CHLSN: variants seen among roughly 807,000 people sequenced by gnomAD.
CHLSN encodes cholesin, also known as protein cholesin.
At chr7:1,061,035 C>G in the CHLSN span, among the ~76,000 whole-genome samples, 1 of 152,218 alleles carries the variant, frequency 6.6e-6, no homozygotes, top group African/African-American at 2.4e-5. Context: ...CTTGGCTCCA[C>G]GCTGAGCTCC....
At chr7:1,123,027 G>A in the CHLSN span, among the ~76,000 whole-genome samples, 2 of 152,190 alleles carry the variant, frequency 1.3e-5, no homozygotes, top group African/African-American at 4.8e-5. The surrounding 1 kb of genome is among the most constrained non-coding windows in gnomAD (Gnocchi z 4.4). Flanking sequence ...AGCACTCCAG[G>A]CCAGCAGGGC....
the CHLSN span, chr7:1,025,713 G>C: frequency 6.6e-6 from 1 of 152,270 alleles, no homozygotes; most frequent in African/African-American, 2.4e-5. Context: ...GGTAGAGGTT[G>C]CGTGGCTCCC....
At chr7:1,056,698 AC>A in the CHLSN span, 1 of 151,820 alleles carries the variant, frequency 6.6e-6, no homozygotes, top group African/African-American at 2.4e-5. Flanking sequence ...CGGCCTCCTC[AC>A]TGCTCTTGCC....
At chr7:1,044,899 G>A in the CHLSN span, among the ~76,000 whole-genome samples, 1 of 152,278 alleles carries the variant, frequency 6.6e-6, no homozygotes, top group African/African-American at 2.4e-5. Context: ...ACCTGGTGAT[G>A]GCAGCTGAAT....
the CHLSN span, chr7:1,092,193 C>G: frequency 6.2e-7 from 1 of 1,613,262 alleles, no homozygotes; most frequent in East Asian, 2.2e-5. Flanking sequence ...GCTTCGACCG[C>G]TACATCGCCC....
chr7:1,103,121 G>C, the CHLSN span, among the ~76,000 whole-genome samples: 7 of 152,206 alleles, frequency 4.6e-5, no homozygotes, highest in African/African-American at 1.4e-4. Flanking sequence ...AGCCCCGTCC[G>C]GGAGGCGCGG....
chr7:1,021,536 T>G, the CHLSN span: 1 of 985,308 alleles, frequency 1.0e-6, no homozygotes, highest in African/African-American at 1.7e-5. Flanking sequence ...GCACTGTCCA[T>G]CCACCGCACA....
the CHLSN span, among the ~76,000 whole-genome samples, chr7:1,134,590 C>T: frequency 1.4e-5 from 2 of 144,858 alleles, no homozygotes; most frequent in Admixed American, 6.9e-5. Context: ...ATAAATAGGC[C>T]GGGTGCGGTG....
chr7:1,065,024 C>T, the CHLSN span, among the ~76,000 whole-genome samples: 1 of 152,018 alleles, frequency 6.6e-6, no homozygotes, highest in Non-Finnish European at 1.5e-5. Flanking sequence ...AGGACGCTTT[C>T]TGCAGAGCCC....
the CHLSN span, among the ~76,000 whole-genome samples, chr7:1,027,278 C>T: frequency 2.0e-5 from 3 of 152,232 alleles, no homozygotes; most frequent in South Asian, 6.2e-4. Context: ...TACTCATAAG[C>T]AAAGGACTCT....
chr7:1,094,090 T>C, the CHLSN span, among the ~76,000 whole-genome samples: 2 of 152,264 alleles, frequency 1.3e-5, no homozygotes, highest in Non-Finnish European at 2.9e-5. Flanking sequence ...TCCAGCAGCC[T>C]GTGCGACCTA....
chr7:1,010,655 G>T, the CHLSN span, among the ~76,000 whole-genome samples: 6 of 152,162 alleles, frequency 3.9e-5, no homozygotes, highest in African/African-American at 1.4e-4. Context: ...CAGGGAGGGG[G>T]CCAAGACCCC....
the CHLSN span, chr7:1,000,474 T>G: frequency 5.6e-6 from 9 of 1,602,830 alleles, no homozygotes; most frequent in South Asian, 1.0e-4. Flanking sequence ...ACACACCTTG[T>G]CACTGTCATA....
At chr7:1,038,492 C>A in the CHLSN span, among the ~76,000 whole-genome samples, 1 of 109,080 alleles carries the variant, frequency 9.2e-6, no homozygotes, top group Non-Finnish European at 2.0e-5. Flanking sequence ...GGGGGGTAAG[C>A]CCCCCGCCTG....
At chr7:1,048,400 G>C in the CHLSN span, among the ~76,000 whole-genome samples, 1 of 152,102 alleles carries the variant, frequency 6.6e-6, no homozygotes, top group South Asian at 2.1e-4. Context: ...GTTTCTGCCA[G>C]CTCTGTGCAG....
At chr7:1,021,313 T>C in the CHLSN span, 1 of 937,454 alleles carries the variant, frequency 1.1e-6, no homozygotes, top group Non-Finnish European at 1.3e-6. Flanking sequence ...GGGGCAGGTT[T>C]CTTTCTTCTT....
At chr7:1,077,604 C>G in the CHLSN span, among the ~76,000 whole-genome samples, 58 of 152,396 alleles carry the variant, frequency 3.8e-4, no homozygotes, top group African/African-American at 1.3e-3. Flanking sequence ...TGCACAGGCA[C>G]ACACCACCTT....
chr7:1,001,721 G>A, the CHLSN span, among the ~76,000 whole-genome samples: 1 of 106,964 alleles, frequency 9.3e-6, no homozygotes, highest in Non-Finnish European at 1.9e-5. Flanking sequence ...CTGTGGGTTA[G>A]TGGAGTCCTG....
the CHLSN span, chr7:1,021,598 G>T: frequency 8.2e-6 from 8 of 978,778 alleles, no homozygotes; most frequent in Non-Finnish European, 9.7e-6. Flanking sequence ...CATGCTGTTG[G>T]ATGGGAGAGG....
Sources: allele counts gnomAD v4.1 joint callset (sites outside exome capture counted in the v4.1 genomes callset), GRCh38; gene constraint gnomAD v4.1.1; non-coding constraint Gnocchi (gnomAD v3.1); transcripts MANE v1.5; gene names NCBI Gene and HGNC (gene_info 2026-07-23, HGNC 2026-07-21).